The following PARD3B variants were observed in gnomAD, a reference collection of about 807,000 sequenced individuals.
PARD3B encodes the protein partitioning defective 3 homolog B.
A neutral mutation model predicts 130.2 loss-of-function variants in PARD3B; 103 were observed. That is an observed-to-expected ratio of 0.79 (90% CI 0.67 to 0.93). The LOEUF (loss-of-function observed/expected upper bound fraction) is 0.93. Ranked by LOEUF, PARD3B falls within the 40% of genes least tolerant of loss-of-function variation. PARD3B has a pLI of 0.00. For missense variants in PARD3B, 1,609 were observed against 1,499.2 expected, an observed-to-expected ratio of 1.07 and a Z score of -1.21; for synonymous variants, 583 against 553.2, an observed-to-expected ratio of 1.05 and a Z score of -0.76.
intron 15 of PARD3B, among the ~76,000 whole-genome samples, chr2:205,228,391 G>A (rs919954331): frequency 4.6e-5 from 7 of 152,062 alleles, no homozygotes; most frequent in Non-Finnish European, 7.4e-5. Context: ...AATAAAAAGC[G>A]TTCTTTTTTT....
intron 3 of PARD3B, among the ~76,000 whole-genome samples, chr2:204,998,335 T>TATATAC (rs1553586590): frequency 3.2e-5 from 2 of 62,266 alleles, no homozygotes; most frequent in South Asian, 4.2e-4. Context: ...TATATATATA[T>TATATAC]ATATATATAT....
Position 205,193,444 on chromosome 2 carries a change from G to A in PARD3B, c.2140+124G>A, listed in dbSNP as rs116232205. ...GAACAAGGTCTGCAGAAGCCTGGAG[G>A]AAGGGATAATGGCCATCCCACCTTC... On this transcript the variant is annotated intron_variant, in intron 15 of 22. Transcript: ENST00000406610. 279 of 693,714 alleles carry A rather than the reference G, an allele frequency of 4.0e-4. 2 individuals are homozygous for A. The African/African-American group carries it at 4.6e-3, about 11-fold the overall frequency. 43.0% of individuals were successfully genotyped at this position (693,714 alleles called of 1,614,324 possible).
intron 14 of PARD3B, among the ~76,000 whole-genome samples, chr2:205,189,349 A>G (rs140433485): frequency 2.0e-5 from 3 of 152,266 alleles, no homozygotes; most frequent in East Asian, 3.9e-4. Flanking sequence ...CATCTTTTAC[A>G]TTCCTGGTTT....
intron 21 of PARD3B, among the ~76,000 whole-genome samples, chr2:205,504,099 AC>A (rs1416355934): frequency 6.6e-6 from 1 of 152,182 alleles, no homozygotes; most frequent in African/African-American, 2.4e-5. Flanking sequence ...CATATCTACA[AC>A]CATCTGATCT....
chr2:205,382,123 G>A (rs914678504), intron 18 of PARD3B, among the ~76,000 whole-genome samples: 1 of 151,994 alleles, frequency 6.6e-6, no homozygotes, highest in East Asian at 1.9e-4. Flanking sequence ...AATTTCACCA[G>A]TTTTTCCATT....
At position 204,663,537 on chromosome 2, in the gene PARD3B, C is replaced by T. The variant is rs1479707506; in HGVS notation, c.121-22644C>T. Reference sequence around the variant, plus strand: ...GGCTTGGATTTTAAAATATAAAGATCGTATTGAAGGTAGATGGATAGGAGG... The same window carrying T: ...GGCTTGGATTTTAAAATATAAAGATTGTATTGAAGGTAGATGGATAGGAGG... On this transcript the variant is annotated intron_variant, in intron 1 of 22. Transcript: ENST00000406610. Among the ~76,000 whole-genome samples the T allele has an allele frequency of 7.2e-5, 11 of 152,090 alleles. 1 individual carries two copies. Among genetic ancestry groups the T allele is most frequent in the Admixed American group, 1.3e-4 (2 of 15,264 alleles).
chr2:205,324,621 C>A (rs1449960246), intron 18 of PARD3B, among the ~76,000 whole-genome samples: 1 of 151,978 alleles, frequency 6.6e-6, no homozygotes, highest in Non-Finnish European at 1.5e-5. Flanking sequence ...GACACTATTC[C>A]AGCTGTCATA....
At chr2:205,087,878 A>G (rs1005554110) in intron 4 of PARD3B, among the ~76,000 whole-genome samples, 2 of 152,232 alleles carry the variant, frequency 1.3e-5, no homozygotes, top group African/African-American at 4.8e-5. Context: ...GTGTTTTATC[A>G]TTCCATGTGA....
chr2:205,018,530 C>T (rs895122440), intron 3 of PARD3B, among the ~76,000 whole-genome samples: 2 of 151,886 alleles, frequency 1.3e-5, no homozygotes, highest in African/African-American at 2.4e-5. Context: ...AAATCAGATG[C>T]TTTTCCAAGG....
chr2:205,502,984 C>T (rs903961553), intron 21 of PARD3B, among the ~76,000 whole-genome samples: 11 of 151,222 alleles, frequency 7.3e-5, no homozygotes, highest in Admixed American at 2.6e-4. Context: ...TGTCTTCTCT[C>T]CCCTCTCCCT....
At chr2:204,644,159 T>C (rs2035190286) in intron 1 of PARD3B, among the ~76,000 whole-genome samples, 1 of 152,076 alleles carries the variant, frequency 6.6e-6, no homozygotes, top group Non-Finnish European at 1.5e-5. Context: ...AGTGACCTTT[T>C]CCACCCTTTA....
chr2:204,824,720 T>C (rs1164532005), intron 2 of PARD3B, among the ~76,000 whole-genome samples: 1 of 152,222 alleles, frequency 6.6e-6, no homozygotes, highest in Non-Finnish European at 1.5e-5. Flanking sequence ...CCAGTTCTAA[T>C]TTCCCACTTA....
intron 1 of PARD3B, among the ~76,000 whole-genome samples, chr2:204,682,329 C>T (rs1240586062): frequency 6.6e-6 from 1 of 152,082 alleles, no homozygotes; most frequent in Non-Finnish European, 1.5e-5. Flanking sequence ...GTCTGAACTT[C>T]GGAAAGTTAA....
intron 22 of PARD3B, among the ~76,000 whole-genome samples, chr2:205,593,959 A>G (rs1052515547): frequency 3.3e-5 from 5 of 152,320 alleles, no homozygotes; most frequent in East Asian, 3.9e-4. Flanking sequence ...CACTCTTATG[A>G]GAAGAAAAGC....
At position 205,229,623 on chromosome 2, in the gene PARD3B, A is replaced by T. The variant is rs1321043817; in HGVS notation, c.2141-16155A>T. 6.6e-6 allele frequency among the ~76,000 whole-genome samples: 1 copy of T among 152,118 alleles called. No individual in the cohort carries two copies. Among genetic ancestry groups the T allele is most frequent in the East Asian group, 1.9e-4 (1 of 5,146 alleles). ...TTGGGGTCAGACCTGAAGGCAGCAC[A>T]GCACTGGGTCTCTCCCTAGGCTCAC... On this transcript the variant is annotated intron_variant, in intron 15 of 22. Coordinates refer to ENST00000406610, the MANE Select transcript of PARD3B (RefSeq NM_001302769.2). The surrounding 1 kb of genome is among the most constrained non-coding windows in gnomAD (Gnocchi z 5.2).
chr2:205,382,913 A>G (rs2045504516), intron 18 of PARD3B, among the ~76,000 whole-genome samples: 1 of 151,948 alleles, frequency 6.6e-6, no homozygotes, highest in Admixed American at 6.6e-5. Flanking sequence ...GCACCGTGAA[A>G]TGCTGTAAGT....
At chr2:204,821,689 A>G (rs2043361951) in intron 2 of PARD3B, among the ~76,000 whole-genome samples, 1 of 152,034 alleles carries the variant, frequency 6.6e-6, no homozygotes, top group African/African-American at 2.4e-5. Context: ...AACTTAAAGT[A>G]TAATAATAAT....
chr2:204,701,596 G>C (rs2037894833), intron 2 of PARD3B, among the ~76,000 whole-genome samples: 1 of 152,144 alleles, frequency 6.6e-6, no homozygotes, highest in Non-Finnish European at 1.5e-5. Flanking sequence ...TTTAAGTTGA[G>C]TGTTGTTTTC....
In PARD3B at chr2:205,125,521, A is replaced by C; in HGVS notation, c.1306-88A>C. 6.9e-7 allele frequency: 1 copy of C among 1,456,272 alleles called. No individual in the cohort carries two copies. The highest frequency in any genetic ancestry group is 9.3e-7 in the Non-Finnish European group (1 of 1,073,460). 90.2% of individuals were successfully genotyped at this position (1,456,272 alleles called of 1,614,324 possible). On this transcript the variant is annotated intron_variant, in intron 9 of 22. Transcript: ENST00000406610. This position sits in a 1 kb window ranked among gnomAD's most constrained non-coding sequence, Gnocchi z 4.0. ...AGAGCTTCCTCAAGTATGGGAGCCCATTTGCTTCTTGTTTTCAAAAACTAT... is the reference window on the plus strand; with the variant it reads ...AGAGCTTCCTCAAGTATGGGAGCCCCTTTGCTTCTTGTTTTCAAAAACTAT...
Sources: gnomAD v4.1 joint callset for allele counts (sites outside exome capture counted in the v4.1 genomes callset) on GRCh38, gnomAD v4.1.1 for gene constraint, Gnocchi (gnomAD v3.1) non-coding constraint, MANE v1.5 for transcripts, NCBI Gene and HGNC (gene_info 2026-07-23, HGNC 2026-07-21) for gene names.